The following TANC2 variants were observed in gnomAD, a reference collection of about 807,000 sequenced individuals.
The protein encoded by TANC2 is tetratricopeptide repeat, ankyrin repeat and coiled-coil containing 2, also known as protein TANC2.
TANC2 carries 26 observed loss-of-function variants against 210.5 expected under a neutral mutation model. The ratio of observed to expected loss-of-function variants is 0.12; its 90% CI spans 0.09 to 0.17. The LOEUF is 0.17. TANC2 is among the 10% of genes least tolerant of loss of function. The probability of loss-of-function intolerance (pLI) is 1.00; values close to 1 mark genes in which losing one functional copy is unlikely to be tolerated. For missense variants in TANC2, 2,129 were observed against 2,608.9 expected (o/e 0.82, Z 4.01); for synonymous variants, 931 against 967.1 (o/e 0.96, Z 0.69).
chr17:63,289,162 G>A (rs1454773622), intron 9 of TANC2, among the ~76,000 whole-genome samples: 1 of 152,060 alleles, frequency 6.6e-6, no homozygotes, highest in Non-Finnish European at 1.5e-5. Flanking sequence ...ATAGCTTAGG[G>A]GGCATTTATT....
At chr17:63,188,359 C>T (rs2041066063) in intron 5 of TANC2, among the ~76,000 whole-genome samples, 1 of 151,578 alleles carries the variant, frequency 6.6e-6, no homozygotes, top group Admixed American at 6.6e-5. Context: ...TTTGAGAGGC[C>T]TAGGTGGGCA....
At position 63,264,106 on chromosome 17, in the gene TANC2, A is replaced by C. The variant is rs560104978; in HGVS notation, c.1034-3642A>C. ...TCTATCCTCCTTGGACCAGTGGGCT[A>C]ACTGGACATATTCTTTCATAATGTT... On this transcript the variant is annotated intron_variant, in intron 8 of 27. Transcript: ENST00000689528. 3.3e-5 allele frequency among the ~76,000 whole-genome samples: 5 copies of C among 152,344 alleles called. No individual in the cohort carries two copies. The South Asian group carries it at 1.0e-3, about 32-fold the overall frequency.
rs771171549 is a variant in TANC2 at position 63,421,821 on chromosome 17, G to A, written c.6091G>A (p.Val2031Met). The A allele has an allele frequency of 1.1e-5, 17 of 1,613,906 alleles. No homozygotes were observed. The highest frequency in any genetic ancestry group is 2.7e-5 in the African/African-American group (2 of 74,920). The change falls in exon 28 of 28, where the codon GTG becomes ATG. Residue 2031 changes from valine to methionine, a missense_variant. Transcript: ENST00000689528. The surrounding 1 kb of genome is among the most constrained non-coding windows in gnomAD (Gnocchi z 6.9). ...CAGCCAGGCCTCCTCCTATCCCGAC[G>A]TGAAGGTAGCTCGGACTCTACCTGT...
At chr17:63,061,797 T>C (rs2144537541) in intron 2 of TANC2, among the ~76,000 whole-genome samples, 2 of 152,284 alleles carry the variant, frequency 1.3e-5, no homozygotes, top group Middle Eastern at 3.4e-3. Context: ...AAATCCTTTT[T>C]AATCCCTTTC....
intron 7 of TANC2, among the ~76,000 whole-genome samples, chr17:63,234,599 C>G (rs970958412): frequency 1.3e-5 from 2 of 151,952 alleles, no homozygotes; most frequent in African/African-American, 4.8e-5. Context: ...TTTTATCTCT[C>G]CTATCATCAT....
intron 7 of TANC2, among the ~76,000 whole-genome samples, chr17:63,229,183 G>A (rs1235167175): frequency 6.6e-6 from 1 of 152,154 alleles, no homozygotes; most frequent in Non-Finnish European, 1.5e-5. Context: ...CTATTGAAAT[G>A]ATCATGTGGT....
At chr17:63,100,036 C>T (rs1316430608) in intron 4 of TANC2, among the ~76,000 whole-genome samples, 2 of 151,940 alleles carry the variant, frequency 1.3e-5, no homozygotes, top group African/African-American at 4.8e-5. Context: ...ATATGTAATC[C>T]TGGGTCACTT....
intron 14 of TANC2, among the ~76,000 whole-genome samples, chr17:63,374,454 C>T (rs937452111): frequency 1.3e-5 from 2 of 152,086 alleles, no homozygotes; most frequent in African/African-American, 2.4e-5. Flanking sequence ...CTTTTTCCCA[C>T]GTGTGGAGTA....
intron 11 of TANC2, among the ~76,000 whole-genome samples, chr17:63,334,911 G>A (rs2045975262): frequency 6.6e-6 from 1 of 152,202 alleles, no homozygotes; most frequent in African/African-American, 2.4e-5. Flanking sequence ...ATGGTGGAAG[G>A]TGAGATGCTA....
intron 6 of TANC2, 145 bp downstream of exon 6, chr17:63,194,284 A>C: frequency 1.0e-6 from 1 of 981,440 alleles, no homozygotes; most frequent in Non-Finnish European, 1.4e-6. Context: ...TTTATGAATA[A>C]TCTTTTAGCT....
chr17:63,363,013 C>T (rs1429773124), intron 14 of TANC2, among the ~76,000 whole-genome samples: 1 of 152,206 alleles, frequency 6.6e-6, no homozygotes, highest in Admixed American at 6.5e-5. Flanking sequence ...TCCCTTTTCT[C>T]CACATCCTTC....
In TANC2 at chr17:63,394,871, A is replaced by G. The variant is rs187609338; in HGVS notation, c.3052-872A>G. ...GAGAGTCCTTGAGAGCAGAACCTAT[A>G]TATTTACTGTCTTATTCACCTAAGT... On this transcript the variant is annotated intron_variant, in intron 17 of 27. Coordinates refer to ENST00000689528, the Ensembl canonical transcript of TANC2. Among the ~76,000 whole-genome samples the G allele has an allele frequency of 1.4e-4, 22 of 152,340 alleles. No individual in the cohort carries two copies. In the East Asian group the frequency reaches 4.1e-3, roughly 28 times the overall value.
At chr17:63,275,698 A>T (rs980883359) in intron 9 of TANC2, among the ~76,000 whole-genome samples, 3 of 152,132 alleles carry the variant, frequency 2.0e-5, no homozygotes, top group African/African-American at 2.4e-5. Context: ...TCTTAAGTAG[A>T]TTCAAAACCC....
chr17:63,055,981 AAAAAAAAAAATATATATATATATAT>A lies in TANC2; in HGVS notation c.68-17960_68-17936del, dbSNP rs1244937415. ...CATCTCTACCAAAAAAAAAAAAAAA[AAAAAAAAAAATATATATATATATAT>A]ATATATATATATATATATGCCAGGG... is the stretch of plus-strand genomic sequence containing the variant. On this transcript the variant is annotated intron_variant, in intron 2 of 27. Transcript: ENST00000689528. Among the ~76,000 whole-genome samples the A allele has an allele frequency of 4.5e-3, 152 of 33,650 alleles. 6 individuals carry two copies. The highest frequency in any genetic ancestry group is 0.026 in the South Asian group (20 of 758). The allele number at this position is 33,650 out of a possible 152,430, so 22.1% of individuals were successfully genotyped here.
At chr17:63,355,939 A>T (rs1269398046) in intron 14 of TANC2, among the ~76,000 whole-genome samples, 1 of 152,206 alleles carries the variant, frequency 6.6e-6, no homozygotes, top group East Asian at 1.9e-4. Flanking sequence ...TGCTGCCTTT[A>T]GATACGTAAG....
intron 2 of TANC2, among the ~76,000 whole-genome samples, chr17:63,040,219 TG>T (rs1379775712): frequency 6.6e-6 from 1 of 152,146 alleles, no homozygotes; most frequent in Non-Finnish European, 1.5e-5. Flanking sequence ...GAAAGCAAAA[TG>T]TTTGTAAGAA....
At chr17:62,991,273 T>C (rs1349351043) in intron 1 of TANC2, among the ~76,000 whole-genome samples, 1 of 152,152 alleles carries the variant, frequency 6.6e-6, no homozygotes, top group Non-Finnish European at 1.5e-5. Flanking sequence ...TTTCTTGTGC[T>C]GTTGCATGCC....
chr17:63,356,249 T>C (rs1047568895), intron 14 of TANC2, among the ~76,000 whole-genome samples: 2 of 152,168 alleles, frequency 1.3e-5, no homozygotes, highest in African/African-American at 4.8e-5. Context: ...CTGGTCGGGG[T>C]GTGCTTTTAC....
chr17:63,389,354 C>T (rs1308796802), exon 17 of TANC2: 1 of 1,613,794 alleles, frequency 6.2e-7, no homozygotes, highest in African/African-American at 1.3e-5. Flanking sequence ...AATTACCGGA[C>T]AGAGGTTTTA....
Sources: allele counts gnomAD v4.1 joint callset (sites outside exome capture counted in the v4.1 genomes callset), GRCh38; gene constraint gnomAD v4.1.1; non-coding constraint Gnocchi (gnomAD v3.1); transcripts MANE v1.5; gene names NCBI Gene and HGNC (gene_info 2026-07-23, HGNC 2026-07-21).